Variants in GTPBP1 observed in about 807,000 individuals in gnomAD.
GTPBP1 encodes the protein GTP binding protein 1, also known as GTP-binding protein 1.
In GTPBP1, 23 loss-of-function variants were observed where a neutral mutation model predicts 62.0. That is an observed-to-expected ratio of 0.37 (90% CI 0.27 to 0.53). GTPBP1 has a LOEUF of 0.53. Among genes scored for constraint, GTPBP1 ranks in the 20% least tolerant of loss-of-function variants. The pLI is 0.89. For missense variants in GTPBP1, 640 were observed against 917.3 expected (o/e 0.70, Z 3.90); for synonymous variants, 344 against 364.4 (o/e 0.94, Z 0.64).
At chr22:38,733,759 G>A (rs1229205085), downstream of GTPBP1, among the ~76,000 whole-genome samples, 2 of 152,210 alleles carry the variant, frequency 1.3e-5, no homozygotes, top group East Asian at 1.9e-4. Flanking sequence ...AATATGCCAC[G>A]CACAGGGGCA....
intron 5 of GTPBP1, among the ~76,000 whole-genome samples, chr22:38,722,501 T>G (rs1172654315): frequency 6.6e-6 from 1 of 152,200 alleles, no homozygotes. Flanking sequence ...AGAATTGCCT[T>G]CTACAGAGGC....
downstream of GTPBP1, chr22:38,739,037 C>T: frequency 1.3e-6 from 2 of 1,539,116 alleles, no homozygotes; most frequent in Non-Finnish European, 8.8e-7. The surrounding 1 kb of genome is among the most constrained non-coding windows in gnomAD (Gnocchi z 6.7). Context: ...GGAGGAGGGC[C>T]CCGCTCAGGC....
At chr22:38,740,499 G>GA (rs954662712), downstream of GTPBP1, 107 of 1,398,086 alleles carry the variant, frequency 7.7e-5, no homozygotes, top group African/African-American at 1.4e-3. The surrounding 1 kb of genome is among the most constrained non-coding windows in gnomAD (Gnocchi z 4.8). Context: ...CACCAAAGAT[G>GA]AAAGAGGACC....
downstream of GTPBP1, chr22:38,741,658 A>T: frequency 7.7e-7 from 1 of 1,298,718 alleles, no homozygotes; most frequent in Non-Finnish European, 1.1e-6. Flanking sequence ...CTGGAATTCA[A>T]ACAAGGTCTG....
chr22:38,741,665 T>A, downstream of GTPBP1: 1 of 1,185,320 alleles, frequency 8.4e-7, no homozygotes, highest in Non-Finnish European at 1.2e-6. Context: ...TCAAACAAGG[T>A]CTGTTTGCTT....
chr22:38,738,292 G>C (rs374641063), downstream of GTPBP1: 145 of 1,595,860 alleles, frequency 9.1e-5, 1 homozygote, highest in South Asian at 6.8e-4. The surrounding 1 kb of genome is among the most constrained non-coding windows in gnomAD (Gnocchi z 6.6). Flanking sequence ...GGGAAGTGGG[G>C]AGGGGCTGGA....
rs2092765274 is a variant in GTPBP1, at chr22:38,732,313, T to C, written c.*1609T>C. 6.6e-6 allele frequency: 1 copy of C among 152,614 alleles called. No homozygotes were observed. The highest frequency in any genetic ancestry group is 6.5e-5 in the Admixed American group (1 of 15,288). The allele number at this position is 152,614 out of a possible 1,614,324, so 9.5% of individuals were successfully genotyped here. A position where few individuals can be genotyped will look rare whatever the true frequency, so the allele number is the denominator to read the frequency against. On this transcript the variant is annotated 3_prime_UTR_variant, in exon 12 of 12. Transcript: ENST00000216044. ...GGGAACGCAGTTGCTCTGCCTGCCC[T>C]GGGGCCCCTGGCGACAGCTGGGAGC...
intron 5 of GTPBP1, 27 bp downstream of exon 5, chr22:38,721,892 G>A (rs751062449): frequency 1.3e-6 from 2 of 1,551,418 alleles, no homozygotes; most frequent in African/African-American, 2.7e-5. Context: ...GCTAGCAGCA[G>A]CCCCTCTGAT....
rs200575529 is a variant in GTPBP1 at position 38,717,016 on chromosome 22, C to T, written c.834+16C>T. ...CATGCTCATGGTGAGTGGGAGGCGC[C>T]CCAAGGAGGGGAGGCGTCAGCAGGG... On this transcript the variant is annotated intron_variant, in intron 4 of 11. Coordinates refer to ENST00000216044, the MANE Select transcript of GTPBP1 (RefSeq NM_004286.5). 2.4e-3 allele frequency: 3,643 copies of T among 1,534,732 alleles called. 19 individuals are homozygous for T. Among genetic ancestry groups the T allele is most frequent in the Middle Eastern group, 0.019 (110 of 5,832 alleles).
In GTPBP1 at chr22:38,732,577, A is replaced by G. The variant is rs907552671; in HGVS notation, c.*1873A>G. 6.6e-6 allele frequency: 1 copy of G among 152,254 alleles called. No individual in the cohort carries two copies. The highest frequency in any genetic ancestry group is 1.5e-5 in the Non-Finnish European group (1 of 68,060). The allele number at this position is 152,254 out of a possible 1,614,324, so 9.4% of individuals were successfully genotyped here. On this transcript the variant is annotated 3_prime_UTR_variant, in exon 12 of 12. Transcript: ENST00000216044. ...GTGAGCGGTCTGCACACCGTTAGCC[A>G]CCCTGCCACCTCTGTGCCCTGGGCA...
downstream of GTPBP1, chr22:38,735,359 A>G: frequency 2.5e-6 from 1 of 398,874 alleles, no homozygotes; most frequent in Non-Finnish European, 4.9e-6. Flanking sequence ...CGATACCCTG[A>G]ACGTCCCCAC....
intron 2 of GTPBP1, among the ~76,000 whole-genome samples, chr22:38,710,996 G>A (rs2413546): frequency 0.29 from 44,655 of 151,968 alleles, 6,649 homozygotes; most frequent in East Asian, 0.36. Flanking sequence ...CCACCAGTTG[G>A]ATGCTATTAG....
At chr22:38,712,999 T>C (rs537625570) in intron 2 of GTPBP1, among the ~76,000 whole-genome samples, 1 of 152,338 alleles carries the variant, frequency 6.6e-6, no homozygotes, top group East Asian at 1.9e-4. Flanking sequence ...AAGATGCTTA[T>C]GTATTGTGCG....
chr22:38,741,119 GCTGT>G (rs2092853867), downstream of GTPBP1: 1 of 1,521,198 alleles, frequency 6.6e-7, no homozygotes, highest in Non-Finnish European at 8.9e-7. Flanking sequence ...AGTAGGATCT[GCTGT>G]CTGTTAGCGT....
intron 5 of GTPBP1, chr22:38,723,436 GC>G: frequency 9.2e-7 from 1 of 1,082,872 alleles, no homozygotes; most frequent in Non-Finnish European, 1.4e-6. Context: ...TGGCAGAAAT[GC>G]CCCAAGGAAT....
chr22:38,740,989 G>C, downstream of GTPBP1: 1 of 1,585,376 alleles, frequency 6.3e-7, no homozygotes, highest in South Asian at 1.2e-5. This position sits in a 1 kb window ranked among gnomAD's most constrained non-coding sequence, Gnocchi z 4.8. Context: ...GCCGAGGCCA[G>C]CTGGTGGCGC....
At chr22:38,714,713 G>A (rs966654687) in intron 2 of GTPBP1, among the ~76,000 whole-genome samples, 6 of 151,606 alleles carry the variant, frequency 4.0e-5, no homozygotes, top group Non-Finnish European at 7.3e-5. Context: ...TTTGGAGTGG[G>A]AGGAAGAGAA....
In GTPBP1 at chr22:38,726,155, G is replaced by A; in HGVS notation, c.1218+5G>A. ...GATGACACCTACTCCGTCCCGGTAA[G>A]TGGCTCTGGGCGGGTAGCTGGGTGG... is the stretch of plus-strand genomic sequence containing the variant. On this transcript the variant is annotated splice_donor_5th_base_variant and intron_variant, in intron 7 of 11. Transcript: ENST00000216044. This position sits in a 1 kb window ranked among gnomAD's most constrained non-coding sequence, Gnocchi z 4.1. The A allele has an allele frequency of 6.2e-7, 1 of 1,611,154 alleles. No homozygotes were observed. The highest frequency in any genetic ancestry group is 2.2e-5 in the East Asian group (1 of 44,768).
chr22:38,740,651 C>T (rs1339552699), downstream of GTPBP1: 8 of 562,382 alleles, frequency 1.4e-5, no homozygotes, highest in East Asian at 2.9e-5. This position sits in a 1 kb window ranked among gnomAD's most constrained non-coding sequence, Gnocchi z 4.8. Context: ...CCTTTCTAAG[C>T]CCAGAGTCCA....
Sources: allele counts gnomAD v4.1 joint callset (sites outside exome capture counted in the v4.1 genomes callset), GRCh38; gene constraint gnomAD v4.1.1; non-coding constraint Gnocchi (gnomAD v3.1); transcripts MANE v1.5; gene names NCBI Gene and HGNC (gene_info 2026-07-23, HGNC 2026-07-21).